MBTPS2: variants seen among roughly 807,000 people sequenced by gnomAD.
MBTPS2 encodes membrane bound transcription factor peptidase, site 2.
MBTPS2 carries 2 observed loss-of-function variants against 35.4 expected under a neutral mutation model. That is an observed-to-expected ratio of 0.06 (90% CI 0.02 to 0.18). The LOEUF is 0.18. MBTPS2 is among the 10% of genes least tolerant of loss of function. The pLI is 1.00. For synonymous variants in MBTPS2, 125 were observed against 140.4 expected, an observed-to-expected ratio of 0.89 and a Z score of 0.77; for missense variants, 244 against 386.5, an observed-to-expected ratio of 0.63 and a Z score of 3.09.
At position 21,866,985 on chromosome X, in the gene MBTPS2, C is replaced by T. The variant is rs750304483; in HGVS notation, c.671-1482C>T. On this transcript the variant is annotated intron_variant, in intron 5 of 10. Coordinates refer to ENST00000379484, the MANE Select transcript of MBTPS2 (RefSeq NM_015884.4). Reference sequence around the variant, plus strand: ...CAGAGGTTGCAGTTAGCTGAGATCTCGCCACTGGGCAACAGAGCGTGACTC... The same window carrying T: ...CAGAGGTTGCAGTTAGCTGAGATCTTGCCACTGGGCAACAGAGCGTGACTC... Among the ~76,000 whole-genome samples the T allele has an allele frequency of 5.9e-5, 6 of 102,356 alleles. No homozygotes were observed. In the South Asian group the frequency reaches 1.4e-3, roughly 23 times the overall value. 88.9% of individuals were successfully genotyped at this position (102,356 alleles called of 115,157 possible). A position where few individuals can be genotyped will look rare whatever the true frequency, so the allele number is the denominator to read the frequency against.
chrX:21,864,570 C>A (rs958585263), intron 5 of MBTPS2, among the ~76,000 whole-genome samples: 2 of 111,412 alleles, frequency 1.8e-5, no homozygotes, highest in Non-Finnish European at 3.8e-5. Context: ...GCCTTTAATC[C>A]CAACACTTTG....
At chrX:21,856,323 CT>C (rs1461565265) in intron 5 of MBTPS2, 9 of 481,704 alleles carry the variant, frequency 1.9e-5, no homozygotes, top group Middle Eastern at 6.0e-4. Flanking sequence ...CAGCTCGCGC[CT>C]TTCTCTGCAG....
intron 3 of MBTPS2, among the ~76,000 whole-genome samples, chrX:21,846,558 C>A (rs143433562): frequency 9.0e-6 from 1 of 111,263 alleles, no homozygotes; most frequent in Non-Finnish European, 1.9e-5. Context: ...TTAGTAGAGA[C>A]GGGGTTTCTC....
At chrX:21,855,578 C>G (rs1034486530) in intron 5 of MBTPS2, among the ~76,000 whole-genome samples, 3 of 109,769 alleles carry the variant, frequency 2.7e-5, no homozygotes, top group South Asian at 7.9e-4. Flanking sequence ...ATTACAGGCA[C>G]GAGCCACCAC....
At chrX:21,846,916 T>A (rs1054864813) in intron 3 of MBTPS2, among the ~76,000 whole-genome samples, 1 of 111,567 alleles carries the variant, frequency 9.0e-6, no homozygotes, top group Non-Finnish European at 1.9e-5. Flanking sequence ...GGAGATCATT[T>A]AAGAGCAGTA....
At chrX:21,849,899 G>T (rs1413812235) in intron 3 of MBTPS2, among the ~76,000 whole-genome samples, 2 of 106,427 alleles carry the variant, frequency 1.9e-5, no homozygotes, top group African/African-American at 6.9e-5. Flanking sequence ...GGTGGCGGGC[G>T]CCTGTAGTCC....
At chrX:21,878,751 G>A in intron 9 of MBTPS2, 59 bp downstream of exon 9, 1 of 756,677 alleles carries the variant, frequency 1.3e-6, no homozygotes, top group Non-Finnish European at 2.1e-6. Context: ...AGTCTCAGTG[G>A]TAGAGACTCA....
At chrX:21,862,967 T>TATATATATATATATATATATATATATAA (rs1283198445) in intron 5 of MBTPS2, among the ~76,000 whole-genome samples, 2 of 58,368 alleles carry the variant, frequency 3.4e-5, no homozygotes, top group Non-Finnish European at 6.2e-5. Flanking sequence ...TATATATATA[T>TATATATATATATATATATATATATATAA]AAAACCGACT....
intron 4 of MBTPS2, among the ~76,000 whole-genome samples, chrX:21,852,991 C>T (rs1014196686): frequency 2.7e-5 from 3 of 110,758 alleles, no homozygotes; most frequent in African/African-American, 6.5e-5. Context: ...TGAATTATAT[C>T]GTCTCCTATG....
At chrX:21,878,410 C>A in intron 8 of MBTPS2, 87 bp from the exon 9 acceptor site, 1 of 692,289 alleles carries the variant, frequency 1.4e-6, no homozygotes, top group Non-Finnish European at 2.3e-6. Flanking sequence ...TCCTGATATG[C>A]TAGGTGACAT....
rs748863470 is a variant in MBTPS2 at position 21,880,908 on chromosome X, A to G, written c.1273A>G (p.Ser425Gly). The G allele has an allele frequency of 3.4e-6, 4 of 1,190,542 alleles. No homozygotes were observed. Among genetic ancestry groups the G allele is most frequent in the Non-Finnish European group, 4.6e-6 (4 of 876,145 alleles). The change falls in exon 10 of 11, where the codon AGT becomes GGT. Residue 425 changes from serine to glycine, a missense_variant. Physicochemically the swap from Ser to Gly is moderately conservative, Grantham distance 56. Transcript: ENST00000379484. Reference protein sequence around the residue: ...LHLHYTVSITSFIPRFNFLSI... With the variant: ...LHLHYTVSITGFIPRFNFLSI... ...TTTTTCTTTTTCAGTGAGCATCACC[A>G]GTTTTATCCCACGTTTTAACTTTCT...
At chrX:21,846,527 C>T (rs1194901670) in intron 3 of MBTPS2, among the ~76,000 whole-genome samples, 5 of 111,532 alleles carry the variant, frequency 4.5e-5, no homozygotes, top group African/African-American at 1.3e-4. Flanking sequence ...TGCACCACCA[C>T]GCCTGGCTAA....
chrX:21,876,297 C>G (rs775187280), intron 7 of MBTPS2, among the ~76,000 whole-genome samples: 11 of 111,986 alleles, frequency 9.8e-5, no homozygotes, highest in Non-Finnish European at 1.9e-4. Context: ...AGCTCAGTGG[C>G]TCATGCCTGT....
intron 5 of MBTPS2, among the ~76,000 whole-genome samples, chrX:21,862,937 T>TATATATATATATAG: frequency 3.8e-5 from 1 of 26,514 alleles, no homozygotes; most frequent in South Asian, 2.4e-3. Context: ...TATAAACATA[T>TATATATATATATAG]ATATATATAT....
chrX:21,855,099 G>T (rs1381748926), intron 5 of MBTPS2, among the ~76,000 whole-genome samples: 1 of 111,109 alleles, frequency 9.0e-6, no homozygotes, highest in Non-Finnish European at 1.9e-5. Flanking sequence ...ATTAAGAAAT[G>T]ATGACGTAAT....
At chrX:21,860,481 A>G (rs568669111) in intron 5 of MBTPS2, among the ~76,000 whole-genome samples, 1 of 112,448 alleles carries the variant, frequency 8.9e-6, no homozygotes, top group South Asian at 3.7e-4. Flanking sequence ...GTAAAAGTTT[A>G]TAAGAAAGAT....
intron 8 of MBTPS2, 111 bp downstream of exon 8, chrX:21,878,247 ATT>A: frequency 7.1e-6 from 4 of 562,554 alleles, no homozygotes; most frequent in Non-Finnish European, 1.2e-5. Flanking sequence ...TATTTGTATC[ATT>A]TTATTAAAAT....
At chrX:21,861,713 A>C (rs901267691) in intron 5 of MBTPS2, among the ~76,000 whole-genome samples, 4 of 79,034 alleles carry the variant, frequency 5.1e-5, no homozygotes, top group African/African-American at 7.6e-5. Context: ...AAAAACAAAC[A>C]AAAAAAAACA....
chrX:21,861,129 A>G (rs1169759741), intron 5 of MBTPS2, among the ~76,000 whole-genome samples: 1 of 112,369 alleles, frequency 8.9e-6, no homozygotes, highest in Non-Finnish European at 1.9e-5. Flanking sequence ...GGATAGAAAT[A>G]AGTAGCTCTT....
Sources: allele counts gnomAD v4.1 joint callset (sites outside exome capture counted in the v4.1 genomes callset), GRCh38; gene constraint gnomAD v4.1.1; transcripts MANE v1.5; gene names NCBI Gene and HGNC (gene_info 2026-07-23, HGNC 2026-07-21).